SEC14L1: variants seen among roughly 807,000 people sequenced by gnomAD.
The protein encoded by SEC14L1 is SEC14 like lipid binding 1.
SEC14L1 carries 48 observed loss-of-function variants against 85.3 expected under a neutral mutation model. The observed-to-expected ratio is 0.56, with a 90% confidence interval of 0.45 to 0.72. The LOEUF is 0.72. Among genes scored for constraint, SEC14L1 ranks in the 30% least tolerant of loss-of-function variants. The pLI is 0.00. For synonymous variants in SEC14L1, 391 were observed against 355.5 expected, an observed-to-expected ratio of 1.10 and a Z score of -1.12; for missense variants, 682 against 921.4, an observed-to-expected ratio of 0.74 and a Z score of 3.36.
At chr17:77,197,861 C>T (rs930759559) in intron 8 of SEC14L1, among the ~76,000 whole-genome samples, 3 of 152,224 alleles carry the variant, frequency 2.0e-5, no homozygotes, top group African/African-American at 7.2e-5. Context: ...CTGCCTTAGC[C>T]TCCCAAAGGG....
chr17:77,194,564 A>G lies in SEC14L1; in HGVS notation c.475-113A>G, dbSNP rs557415363. 3,763 of 761,814 alleles carry G rather than the reference A, an allele frequency of 4.9e-3. 10 individuals carry two copies. Among genetic ancestry groups the G allele is most frequent in the Middle Eastern group, 7.8e-3 (20 of 2,558 alleles). 47.2% of individuals were successfully genotyped at this position (761,814 alleles called of 1,614,324 possible). A position where few individuals can be genotyped will look rare whatever the true frequency, so the allele number is the denominator to read the frequency against. ...GAGACCCTGTCTCAAAAAAAAAAAA[A>G]GATTGTGAGGCTCACCATCTTCCGT... On this transcript the variant is annotated intron_variant, in intron 6 of 16. Transcript: ENST00000436233.
At chr17:77,212,339 C>A in intron 15 of SEC14L1, 138 bp downstream of exon 15, 2 of 1,277,448 alleles carry the variant, frequency 1.6e-6, no homozygotes, top group Non-Finnish European at 2.2e-6. Context: ...GAGCAGCTTG[C>A]CTGGAGGAGC....
In SEC14L1 at chr17:77,203,697, C is replaced by T. The variant is rs768837449; in HGVS notation, c.1098+39C>T. 39 of 1,535,186 alleles carry T rather than the reference C, an allele frequency of 2.5e-5. No homozygotes were observed. In the East Asian group the frequency reaches 7.2e-4, roughly 28 times the overall value. ...TGCGAGACTCCAGGTGCCACTGTGG[C>T]GTCACTTTTTTTCTCTGCCAGTAGG... On this transcript the variant is annotated intron_variant, in intron 10 of 16. Transcript: ENST00000436233.
intron 3 of SEC14L1, among the ~76,000 whole-genome samples, chr17:77,153,128 C>A (rs1441451266): frequency 1.3e-5 from 2 of 152,152 alleles, no homozygotes; most frequent in Admixed American, 1.3e-4. Context: ...AGTGCAGTGG[C>A]GCAATCTTGG....
rs539393459 is a variant in SEC14L1, at chr17:77,214,365, G to T, written c.*342G>T. 4.7e-6 allele frequency: 5 copies of T among 1,060,556 alleles called. No homozygotes were observed. The highest frequency in any genetic ancestry group is 6.4e-5 in the South Asian group (2 of 31,332). The allele number at this position is 1,060,556 out of a possible 1,614,324, so 65.7% of individuals were successfully genotyped here. ...GCAAAAAATTTTTCCAACGAACTCC[G>T]CATTGTCCATTAGTGAATGAATTCC... On this transcript the variant is annotated 3_prime_UTR_variant, in exon 17 of 17. Coordinates refer to ENST00000436233, the MANE Select transcript of SEC14L1 (RefSeq NM_001143998.2).
At chr17:77,095,311 C>T (rs1598211146) in intron 3 of SEC14L1, among the ~76,000 whole-genome samples, 7 of 152,300 alleles carry the variant, frequency 4.6e-5, no homozygotes, top group Admixed American at 4.6e-4. Context: ...TCTGCAAGCT[C>T]TTAAGGCAGA....
chr17:77,167,997 C>T (rs1013464835), intron 3 of SEC14L1, among the ~76,000 whole-genome samples: 6 of 152,216 alleles, frequency 3.9e-5, no homozygotes, highest in Admixed American at 6.5e-5. Context: ...GTCCCTGTGT[C>T]CTTCCCCTGT....
At chr17:77,132,462 T>C (rs1972641046) in intron 3 of SEC14L1, among the ~76,000 whole-genome samples, 3 of 152,090 alleles carry the variant, frequency 2.0e-5, no homozygotes, top group Admixed American at 2.0e-4. Context: ...TGACCTCAGG[T>C]GATCCACCCG....
rs780242321 is a variant in SEC14L1, at chr17:77,206,724, A to T, written c.1342-4A>T. ...ATGACTGCATGGTCTTCTCCTCCTC[A>T]CAGGTTAGTCCGTTCATTGATGACA... On this transcript the variant is annotated splice_region_variant and splice_polypyrimidine_tract_variant and intron_variant, in intron 12 of 16. Transcript: ENST00000436233. The surrounding 1 kb of genome is among the most constrained non-coding windows in gnomAD (Gnocchi z 4.3). 18 of 1,596,816 alleles carry T rather than the reference A, an allele frequency of 1.1e-5. No individual in the cohort carries two copies. The African/African-American group carries it at 2.4e-4, about 22-fold the overall frequency.
intron 3 of SEC14L1, among the ~76,000 whole-genome samples, chr17:77,128,784 T>C (rs1157453508): frequency 6.6e-6 from 1 of 152,072 alleles, no homozygotes; most frequent in African/African-American, 2.4e-5. Context: ...AGAGTGAGCT[T>C]TCTGAACGTG....
chr17:77,142,885 A>G (rs1036918882), intron 2 of SEC14L1, 135 bp downstream of exon 2: 1 of 152,252 alleles, frequency 6.6e-6, no homozygotes. Flanking sequence ...GGGCTCCTTG[A>G]CTGTGAATTA....
intron 3 of SEC14L1, among the ~76,000 whole-genome samples, chr17:77,155,716 G>A (rs896872050): frequency 6.6e-6 from 1 of 152,122 alleles, no homozygotes; most frequent in Non-Finnish European, 1.5e-5. Flanking sequence ...TGAAGTGCCT[G>A]CACCTCATCT....
intron 14 of SEC14L1, chr17:77,210,661 C>G (rs1976699066): frequency 6.6e-6 from 1 of 152,206 alleles, no homozygotes. Context: ...CTTGTAGATA[C>G]ATACATAGAG....
intron 3 of SEC14L1, among the ~76,000 whole-genome samples, chr17:77,120,052 T>C (rs768980374): frequency 6.6e-4 from 101 of 152,118 alleles, no homozygotes; most frequent in Non-Finnish European, 1.0e-3. Flanking sequence ...CGACTGGAGA[T>C]TAGACTGACA....
upstream of SEC14L1, among the ~76,000 whole-genome samples, chr17:77,140,336 T>C (rs1467213189): frequency 6.6e-6 from 1 of 152,202 alleles, no homozygotes; most frequent in Admixed American, 6.5e-5. Flanking sequence ...AGGATGCCGC[T>C]GGGCTCCACC....
rs371161163 is a variant in SEC14L1 at position 77,214,360 on chromosome 17, A to G, written c.*337A>G. 111 of 1,055,830 alleles carry G rather than the reference A, an allele frequency of 1.1e-4. No individual in the cohort carries two copies. The East Asian group carries it at 8.0e-3, about 77-fold the overall frequency. The allele number at this position is 1,055,830 out of a possible 1,614,324, so 65.4% of individuals were successfully genotyped here. ...TTGATGCAAAAAATTTTTCCAACGA[A>G]CTCCGCATTGTCCATTAGTGAATGA... On this transcript the variant is annotated 3_prime_UTR_variant, in exon 17 of 17. Transcript: ENST00000436233.
intron 3 of SEC14L1, among the ~76,000 whole-genome samples, chr17:77,161,732 T>G (rs917515142): frequency 2.7e-5 from 4 of 150,196 alleles, no homozygotes; most frequent in Non-Finnish European, 4.4e-5. Flanking sequence ...TTTTTTTTTT[T>G]TTTTAAACAA....
intron 3 of SEC14L1, among the ~76,000 whole-genome samples, chr17:77,133,981 A>T (rs1972701655): frequency 6.7e-6 from 1 of 149,530 alleles, no homozygotes; most frequent in South Asian, 2.1e-4. Context: ...GGGCACAGTC[A>T]CGGTGTTTCA....
At chr17:77,176,429 G>A (rs1974762678) in intron 3 of SEC14L1, among the ~76,000 whole-genome samples, 1 of 152,246 alleles carries the variant, frequency 6.6e-6, no homozygotes, top group African/African-American at 2.4e-5. Flanking sequence ...ACTCTCTCCA[G>A]ATTGAAGGTT....
Sources: gnomAD v4.1 joint callset for allele counts (sites outside exome capture counted in the v4.1 genomes callset) on GRCh38, gnomAD v4.1.1 for gene constraint, Gnocchi (gnomAD v3.1) non-coding constraint, MANE v1.5 for transcripts, NCBI Gene and HGNC (gene_info 2026-07-23, HGNC 2026-07-21) for gene names.